Variants in ADAMTSL1 observed in about 807,000 individuals in gnomAD.
ADAMTSL1 encodes ADAMTS-like protein 1.
ADAMTSL1 carries 126 observed loss-of-function variants against 201.8 expected under a neutral mutation model. That is an observed-to-expected ratio of 0.62 (90% CI 0.54 to 0.72). The LOEUF (loss-of-function observed/expected upper bound fraction) is 0.72, where lower values mean the gene tolerates loss of function less well. Among genes scored for constraint, ADAMTSL1 ranks in the 30% least tolerant of loss-of-function variants. ADAMTSL1 has a pLI of 0.00. For missense variants in ADAMTSL1, 2,679 were observed against 2,277.8 expected, an observed-to-expected ratio of 1.18 and a Z score of -3.59; for synonymous variants, 1,121 against 903.4, an observed-to-expected ratio of 1.24 and a Z score of -4.32.
chr9:18,696,188 A>G (rs181775569), intron 13 of ADAMTSL1, among the ~76,000 whole-genome samples: 1 of 152,322 alleles, frequency 6.6e-6, no homozygotes, highest in East Asian at 1.9e-4. Context: ...CACAAATCCA[A>G]ACCATATCAG....
chr9:18,218,174 G>T (rs974235945), intron 2 of ADAMTSL1, among the ~76,000 whole-genome samples: 1 of 152,130 alleles, frequency 6.6e-6, no homozygotes, highest in Admixed American at 6.5e-5. Flanking sequence ...AAATAGAATC[G>T]TAGCTGAAGA....
intron 2 of ADAMTSL1, among the ~76,000 whole-genome samples, chr9:18,275,901 A>G (rs1196177245): frequency 6.6e-6 from 1 of 152,152 alleles, no homozygotes; most frequent in East Asian, 1.9e-4. Context: ...GTAGGCTCCT[A>G]TGATAAATGC....
intron 19 of ADAMTSL1, among the ~76,000 whole-genome samples, chr9:18,790,588 G>A (rs537785931): frequency 6.6e-6 from 1 of 152,240 alleles, no homozygotes; most frequent in Non-Finnish European, 1.5e-5. Flanking sequence ...TGGTAGAAAT[G>A]GCCTGTGAGC....
At chr9:18,644,915 G>T (rs572743202) in intron 7 of ADAMTSL1, among the ~76,000 whole-genome samples, 10 of 151,762 alleles carry the variant, frequency 6.6e-5, no homozygotes, top group African/African-American at 2.4e-4. Context: ...TAATGGGATG[G>T]CTGGGTCAAA....
intron 1 of ADAMTSL1, among the ~76,000 whole-genome samples, chr9:18,489,428 T>C (rs1033152574): frequency 2.0e-5 from 3 of 152,172 alleles, no homozygotes; most frequent in Non-Finnish European, 2.9e-5. Context: ...TCCTGTTACA[T>C]AGCATGCACA....
intron 20 of ADAMTSL1, among the ~76,000 whole-genome samples, chr9:18,813,795 C>A (rs1038033981): frequency 6.6e-6 from 1 of 152,144 alleles, no homozygotes; most frequent in Admixed American, 6.5e-5. Context: ...AATTTGAATG[C>A]CCTTTATATG....
intron 2 of ADAMTSL1, among the ~76,000 whole-genome samples, chr9:18,419,731 CTT>C (rs772122083): frequency 0.021 from 2,654 of 125,212 alleles, 73 homozygotes; most frequent in African/African-American, 0.067. Flanking sequence ...ATTTATTTGA[CTT>C]TTTTTTTTTT....
intron 1 of ADAMTSL1, among the ~76,000 whole-genome samples, chr9:18,115,548 A>G (rs1242279743): frequency 6.6e-6 from 1 of 152,168 alleles, no homozygotes; most frequent in Non-Finnish European, 1.5e-5. Flanking sequence ...AAAAGGAAAA[A>G]AATCTGTATT....
intron 5 of ADAMTSL1, among the ~76,000 whole-genome samples, chr9:18,631,172 T>A (rs1272932064): frequency 6.6e-6 from 1 of 152,208 alleles, no homozygotes; most frequent in East Asian, 1.9e-4. Context: ...AACAGAACTT[T>A]TTAACTGATT....
At chr9:18,903,644 T>G (rs977803903) in intron 26 of ADAMTSL1, among the ~76,000 whole-genome samples, 1 of 152,216 alleles carries the variant, frequency 6.6e-6, no homozygotes, top group South Asian at 2.1e-4. Flanking sequence ...CACAGTTTCC[T>G]TCTAAGGGGG....
intron 15 of ADAMTSL1, among the ~76,000 whole-genome samples, chr9:18,750,826 C>A (rs1819429270): frequency 1.3e-5 from 2 of 152,174 alleles, no homozygotes; most frequent in Admixed American, 6.5e-5. Flanking sequence ...GGAGGGTCTG[C>A]ATTCAAGGTA....
chr9:18,553,174 C>T (rs1323674582), intron 3 of ADAMTSL1, among the ~76,000 whole-genome samples: 2 of 148,430 alleles, frequency 1.3e-5, no homozygotes, highest in African/African-American at 4.9e-5. Context: ...CCAATGTTTC[C>T]TCTTTTCTTC....
At chr9:18,542,842 T>C (rs1388478227) in intron 3 of ADAMTSL1, among the ~76,000 whole-genome samples, 1 of 152,164 alleles carries the variant, frequency 6.6e-6, no homozygotes, top group Non-Finnish European at 1.5e-5. Flanking sequence ...GAAAATTAGA[T>C]CACTTTGAAA....
chr9:18,701,769 G>C (rs1310245644), intron 13 of ADAMTSL1, among the ~76,000 whole-genome samples: 1 of 152,072 alleles, frequency 6.6e-6, no homozygotes, highest in African/African-American at 2.4e-5. Flanking sequence ...ACTAGTGATA[G>C]CATCAAAATA....
intron 7 of ADAMTSL1, among the ~76,000 whole-genome samples, chr9:18,645,990 T>C (rs1454547925): frequency 6.6e-6 from 1 of 152,090 alleles, no homozygotes. Context: ...AGTATGGCCA[T>C]TTTCATGATA....
intron 2 of ADAMTSL1, among the ~76,000 whole-genome samples, chr9:18,202,821 T>C (rs966490432): frequency 6.6e-6 from 1 of 152,072 alleles, no homozygotes; most frequent in African/African-American, 2.4e-5. Context: ...CAACCTTAGG[T>C]TGAGTGGGTT....
At chr9:18,818,416 A>C (rs928287208) in intron 21 of ADAMTSL1, among the ~76,000 whole-genome samples, 13 of 152,176 alleles carry the variant, frequency 8.5e-5, no homozygotes, top group African/African-American at 2.9e-4. Flanking sequence ...AGTAAGTAGG[A>C]GGAATATCTT....
intron 1 of ADAMTSL1, among the ~76,000 whole-genome samples, chr9:17,927,094 C>T (rs767641986): frequency 1.3e-5 from 2 of 152,144 alleles, no homozygotes; most frequent in African/African-American, 2.4e-5. Context: ...AACCACCATA[C>T]TATGTTCTGT....
Position 18,777,093 on chromosome 9 carries a change from A to G in ADAMTSL1, c.2864A>G (p.His955Arg). ...TGCTCAGCGGGCCCGGCCCGGGAGC[A>G]CTTTGTGATTAAGCTCATCGGAGGC... Reference protein sequence around the residue: ...YTCSAGPAREHFVIKLIGGNR... With the variant: ...YTCSAGPARERFVIKLIGGNR... The change falls in exon 19 of 29, where the codon CAC becomes CGC. Residue 955 changes from histidine to arginine, a missense_variant. His to Arg is a conservative substitution (Grantham distance 29). Coordinates refer to ENST00000380548, the MANE Select transcript of ADAMTSL1 (RefSeq NM_001040272.6). The G allele has an allele frequency of 6.2e-7, 1 of 1,613,116 alleles. No individual in the cohort carries two copies. Among genetic ancestry groups the G allele is most frequent in the Middle Eastern group, 1.6e-4 (1 of 6,062 alleles).
Sources: gnomAD v4.1 joint callset for allele counts (sites outside exome capture counted in the v4.1 genomes callset) on GRCh38, gnomAD v4.1.1 for gene constraint, MANE v1.5 for transcripts, NCBI Gene and HGNC (gene_info 2026-07-23, HGNC 2026-07-21) for gene names.